Variants in PTPN14 observed in about 807,000 individuals in gnomAD.
PTPN14 encodes the protein tyrosine-protein phosphatase non-receptor type 14.
A neutral mutation model predicts 126.8 loss-of-function variants in PTPN14; 53 were observed. The observed-to-expected ratio is 0.42, with a 90% confidence interval of 0.34 to 0.53. The LOEUF (loss-of-function observed/expected upper bound fraction) is 0.53. Among genes scored for constraint, PTPN14 ranks in the 20% least tolerant of loss-of-function variants. The probability of loss-of-function intolerance (pLI) is 0.08; values close to 1 mark genes in which losing one functional copy is unlikely to be tolerated. For synonymous variants in PTPN14, 630 were observed against 599.3 expected, an observed-to-expected ratio of 1.05 and a Z score of -0.75; for missense variants, 1,257 against 1,552.9, an observed-to-expected ratio of 0.81 and a Z score of 3.20.
At chr1:214,398,912 G>A (rs1175700543) in intron 7 of PTPN14, among the ~76,000 whole-genome samples, 2 of 151,910 alleles carry the variant, frequency 1.3e-5, no homozygotes, top group African/African-American at 4.8e-5. Context: ...GGGACTACAG[G>A]TGCATGCCAC....
intron 1 of PTPN14, among the ~76,000 whole-genome samples, chr1:214,507,078 A>T (rs1654862840): frequency 6.6e-6 from 1 of 152,226 alleles, no homozygotes; most frequent in South Asian, 2.1e-4. Context: ...AATGAGTCAT[A>T]AAACTTCTGT....
chr1:214,518,809 C>A (rs59407257), intron 1 of PTPN14, among the ~76,000 whole-genome samples: 2,066 of 152,174 alleles, frequency 0.014, 35 homozygotes, highest in African/African-American at 0.046. Flanking sequence ...TAAGTAACTA[C>A]GCTACCCAAA....
chr1:214,368,411 C>T (rs529148589), intron 17 of PTPN14, among the ~76,000 whole-genome samples: 20 of 151,904 alleles, frequency 1.3e-4, no homozygotes, highest in Non-Finnish European at 1.6e-4. Context: ...ATGTTGGCCA[C>T]GCTGGTCTCA....
At chr1:214,438,757 A>C (rs1487354624) in intron 3 of PTPN14, among the ~76,000 whole-genome samples, 3 of 152,196 alleles carry the variant, frequency 2.0e-5, no homozygotes, top group Non-Finnish European at 4.4e-5. Context: ...TGGGTCACAG[A>C]GAATCTTCTG....
intron 3 of PTPN14, among the ~76,000 whole-genome samples, chr1:214,433,270 G>A (rs1220968607): frequency 4.1e-5 from 6 of 147,120 alleles, no homozygotes; most frequent in African/African-American, 1.2e-4. Flanking sequence ...ATGACTACTA[G>A]CACAAAGACA....
At chr1:214,512,544 A>AG (rs1655003987) in intron 1 of PTPN14, among the ~76,000 whole-genome samples, 1 of 152,146 alleles carries the variant, frequency 6.6e-6, no homozygotes, top group Non-Finnish European at 1.5e-5. Flanking sequence ...CCAGGGGCTG[A>AG]GGGCAGGAGA....
chr1:214,476,843 C>G (rs1660877759), intron 1 of PTPN14, among the ~76,000 whole-genome samples: 1 of 152,124 alleles, frequency 6.6e-6, no homozygotes, highest in Admixed American at 6.5e-5. Context: ...CTATAAATTC[C>G]TGGCACATGG....
chr1:214,433,951 C>CAA (rs1158472144), intron 3 of PTPN14, among the ~76,000 whole-genome samples: 2 of 98,528 alleles, frequency 2.0e-5, no homozygotes, highest in East Asian at 3.6e-4. Context: ...CACACACACA[C>CAA]AAAAAAAAAA....
At chr1:214,501,567 C>A (rs1028707247) in intron 1 of PTPN14, among the ~76,000 whole-genome samples, 1 of 152,092 alleles carries the variant, frequency 6.6e-6, no homozygotes, top group East Asian at 1.9e-4. Flanking sequence ...ATTCTATGAA[C>A]AATTAGGCTA....
chr1:214,386,851 G>A lies in PTPN14; in HGVS notation c.1059C>T (p.Thr353=), dbSNP rs116652390. 525 of 1,597,494 alleles carry A rather than the reference G, an allele frequency of 3.3e-4. 1 individual carries two copies. In the African/African-American group the frequency reaches 6.5e-3, roughly 20 times the overall value. The change falls in exon 12 of 19, where the codon ACC becomes ACT. Residue 353 remains threonine (T), a synonymous_variant. Coordinates refer to ENST00000366956, the MANE Select transcript of PTPN14 (RefSeq NM_005401.5). ...QCGEHYSETH[T]SQDSIFHGNE... ...ACGGCAAGCCAGAGTTACCTTGCGA[G>A]GTGTGCGTTTCCGAGTAGTGCTCAC...
At chr1:214,387,425 C>T (rs1443178673) in intron 11 of PTPN14, among the ~76,000 whole-genome samples, 1 of 152,070 alleles carries the variant, frequency 6.6e-6, no homozygotes, top group Admixed American at 6.6e-5. Context: ...GCAGGAGAAT[C>T]ACTTGAACCT....
Position 214,389,466 on chromosome 1 carries a change from AG to A in PTPN14, c.987+1521del, listed in dbSNP as rs530554751. Among the ~76,000 whole-genome samples, 25 of 152,390 alleles carry A rather than the reference AG, an allele frequency of 1.6e-4. No homozygotes were observed. In the East Asian group the frequency reaches 3.1e-3, roughly 19 times the overall value. ...CGCCAAAATATAGACAGAAGAGGGC[AG>A]GTGAAAAACAGCAATGAGAAGTCCT... is the stretch of plus-strand genomic sequence containing the variant. On this transcript the variant is annotated intron_variant, in intron 11 of 18. Coordinates refer to ENST00000366956, the MANE Select transcript of PTPN14 (RefSeq NM_005401.5).
intron 1 of PTPN14, among the ~76,000 whole-genome samples, chr1:214,495,507 G>A (rs1380030883): frequency 6.6e-6 from 1 of 151,972 alleles, no homozygotes; most frequent in Non-Finnish European, 1.5e-5. Flanking sequence ...AATAACAATT[G>A]GTCAGAAAAT....
At chr1:214,428,959 A>G (rs542351093) in intron 3 of PTPN14, among the ~76,000 whole-genome samples, 115 of 152,326 alleles carry the variant, frequency 7.5e-4, no homozygotes, top group Admixed American at 1.3e-3. Flanking sequence ...TAAGCCATGC[A>G]TTTCTGCCAT....
chr1:214,364,682 G>A lies in PTPN14; in HGVS notation c.3272-7C>T. 1.9e-6 allele frequency: 3 copies of A among 1,607,904 alleles called. No individual in the cohort carries two copies. Among genetic ancestry groups the A allele is most frequent in the Non-Finnish European group, 2.5e-6 (3 of 1,177,296 alleles). ...TGGATCTCCTCCAAGTAGGCTGCAG[G>A]ACAAAATGCAAATTCTGTCACCAAA... On this transcript the variant is annotated splice_polypyrimidine_tract_variant and splice_region_variant and intron_variant, in intron 17 of 18. Transcript: ENST00000366956. The surrounding 1 kb of genome is among the most constrained non-coding windows in gnomAD (Gnocchi z 4.1).
chr1:214,406,816 A>G (rs888417836), intron 5 of PTPN14, among the ~76,000 whole-genome samples: 2 of 152,216 alleles, frequency 1.3e-5, no homozygotes, highest in African/African-American at 2.4e-5. Context: ...ACAAACTCAT[A>G]AATATCATGC....
intron 1 of PTPN14, among the ~76,000 whole-genome samples, chr1:214,506,401 C>T (rs1190749220): frequency 6.6e-6 from 1 of 151,712 alleles, no homozygotes; most frequent in African/African-American, 2.4e-5. Context: ...CCTATAATTC[C>T]AGCTACTCCC....
At chr1:214,436,064 CA>C (rs1050902818) in intron 3 of PTPN14, among the ~76,000 whole-genome samples, 9 of 152,034 alleles carry the variant, frequency 5.9e-5, no homozygotes. Flanking sequence ...TATGCAGCCA[CA>C]AAAAATGACA....
At chr1:214,453,057 C>A (rs960504590) in intron 2 of PTPN14, among the ~76,000 whole-genome samples, 64 of 152,258 alleles carry the variant, frequency 4.2e-4, no homozygotes, top group African/African-American at 1.5e-3. Context: ...ACCAGACGTG[C>A]CCTTGCCTAT....
Sources: gnomAD v4.1 joint callset for allele counts (sites outside exome capture counted in the v4.1 genomes callset) on GRCh38, gnomAD v4.1.1 for gene constraint, Gnocchi (gnomAD v3.1) non-coding constraint, MANE v1.5 for transcripts, NCBI Gene and HGNC (gene_info 2026-07-23, HGNC 2026-07-21) for gene names.